The following C3orf22 variants were observed in gnomAD, a reference collection of about 807,000 sequenced individuals.
C3orf22 encodes uncharacterized protein C3orf22.
C3orf22 carries 7 observed loss-of-function variants against 10.8 expected under a neutral mutation model. The observed-to-expected ratio is 0.65, with a 90% CI of 0.37 to 1.22. The LOEUF is 1.22. C3orf22 is among the 50% of genes most tolerant of loss of function. The pLI, the probability that C3orf22 is intolerant of heterozygous loss-of-function variation, is 0.02. For synonymous variants in C3orf22, 79 were observed against 78.9 expected (o/e 1.00, Z 0.00); for missense variants, 173 against 177.0 (o/e 0.98, Z 0.13).
At chr3:126,556,877 C>G (rs1306530199) in intron 1 of C3orf22, among the ~76,000 whole-genome samples, 2 of 150,714 alleles carry the variant, frequency 1.3e-5, no homozygotes, top group East Asian at 3.9e-4. Context: ...TACACACACA[C>G]ACACAGACTC....
At chr3:126,541,481 G>C (rs1426407150) in intron 4 of C3orf22, among the ~76,000 whole-genome samples, 1 of 152,144 alleles carries the variant, frequency 6.6e-6, no homozygotes, top group Non-Finnish European at 1.5e-5. Context: ...AGTGCCCCAC[G>C]GCATACATAC....
At chr3:126,549,447 C>A, downstream of C3orf22, 1 of 437,634 alleles carries the variant, frequency 2.3e-6, no homozygotes, top group Admixed American at 2.6e-5. Context: ...TATAATTTAG[C>A]AGTTTCCTGT....
downstream of C3orf22, among the ~76,000 whole-genome samples, chr3:126,546,307 G>A (rs1363880374): frequency 6.6e-6 from 1 of 152,212 alleles, no homozygotes; most frequent in Non-Finnish European, 1.5e-5. Flanking sequence ...CTGCATGAAG[G>A]ACATTGAGAC....
At chr3:126,548,740 G>A (rs550999782), downstream of C3orf22, among the ~76,000 whole-genome samples, 162 of 152,298 alleles carry the variant, frequency 1.1e-3, no homozygotes, top group Middle Eastern at 0.041. Flanking sequence ...CACCACAGAT[G>A]TGACTCCAGG....
chr3:126,531,876 C>A (rs551012862), intron 4 of C3orf22, among the ~76,000 whole-genome samples: 24 of 152,254 alleles, frequency 1.6e-4, no homozygotes, highest in African/African-American at 5.5e-4. Flanking sequence ...TTTTAAGAAA[C>A]CACCAAACTG....
intron 4 of C3orf22, chr3:126,542,679 A>G (rs896037096): frequency 5.5e-5 from 75 of 1,360,620 alleles, no homozygotes; most frequent in Admixed American, 2.7e-4. Flanking sequence ...TTCAAGAGCC[A>G]CTGCGTGCAC....
intron 4 of C3orf22, chr3:126,536,362 A>G: frequency 6.2e-7 from 1 of 1,610,198 alleles, no homozygotes; most frequent in Non-Finnish European, 8.5e-7. Flanking sequence ...AGGTAGGTGG[A>G]CAGACCCTCG....
downstream of C3orf22, among the ~76,000 whole-genome samples, chr3:126,544,915 C>G (rs925027778): frequency 6.6e-6 from 1 of 152,234 alleles, no homozygotes; most frequent in East Asian, 1.9e-4. Flanking sequence ...AGGGCCACAG[C>G]CCAGGCCCTC....
intron 4 of C3orf22, among the ~76,000 whole-genome samples, chr3:126,535,084 C>T (rs535747604): frequency 1.4e-5 from 2 of 146,096 alleles, no homozygotes; most frequent in African/African-American, 5.1e-5. Context: ...TCCCTGTCCC[C>T]AGCCGGGAGA....
intron 4 of C3orf22, among the ~76,000 whole-genome samples, chr3:126,531,338 C>G (rs1576748447): frequency 6.6e-6 from 1 of 152,252 alleles, no homozygotes; most frequent in African/African-American, 2.4e-5. Flanking sequence ...TCAGATTTCC[C>G]AAGTTTACTG....
chr3:126,551,041 C>T (rs148614073), intron 3 of C3orf22, among the ~76,000 whole-genome samples: 7 of 152,374 alleles, frequency 4.6e-5, no homozygotes, highest in South Asian at 2.1e-4. Context: ...CTCCTGTAGC[C>T]GAACTACGGG....
intron 4 of C3orf22, among the ~76,000 whole-genome samples, chr3:126,538,004 G>A (rs1260108433): frequency 6.6e-6 from 1 of 152,196 alleles, no homozygotes; most frequent in Non-Finnish European, 1.5e-5. Flanking sequence ...GTGGACATAG[G>A]TCCAGCTTTA....
chr3:126,539,132 T>C (rs975489226), intron 4 of C3orf22, among the ~76,000 whole-genome samples: 4 of 152,080 alleles, frequency 2.6e-5, no homozygotes, highest in African/African-American at 9.7e-5. Flanking sequence ...TTCAAGCATA[T>C]GCAAGAAGAA....
intron 1 of C3orf22, among the ~76,000 whole-genome samples, chr3:126,555,746 C>T (rs1430986254): frequency 6.6e-6 from 1 of 152,176 alleles, no homozygotes; most frequent in African/African-American, 2.4e-5. Context: ...AGAGCCACCC[C>T]CTGGCCTCAA....
chr3:126,543,638 G>A (rs551801752), intron 4 of C3orf22, among the ~76,000 whole-genome samples: 37 of 152,146 alleles, frequency 2.4e-4, no homozygotes, highest in African/African-American at 8.9e-4. Flanking sequence ...TTGTGCGTGT[G>A]TGACTGTGAG....
intron 4 of C3orf22, among the ~76,000 whole-genome samples, chr3:126,539,292 G>GT (rs1264215314): frequency 1.3e-5 from 2 of 151,990 alleles, no homozygotes; most frequent in South Asian, 4.1e-4. Context: ...TTTGTGAAAC[G>GT]TTTTTTATTT....
intron 4 of C3orf22, among the ~76,000 whole-genome samples, chr3:126,539,792 CACAGACACCACACCACACACCACAA>C (rs1936898526): frequency 5.3e-5 from 2 of 37,930 alleles, no homozygotes; most frequent in African/African-American, 9.4e-5. Flanking sequence ...CACCACACAC[CACAGACACCACACCACACACCACAA>C]ACACACATAC....
At chr3:126,539,037 T>C (rs538660199) in intron 4 of C3orf22, among the ~76,000 whole-genome samples, 3 of 152,294 alleles carry the variant, frequency 2.0e-5, no homozygotes, top group African/African-American at 7.2e-5. Flanking sequence ...TGCTTTGCCG[T>C]GTGCTTACAG....
At chr3:126,542,358 C>G (rs1439510963) in intron 4 of C3orf22, 2 of 1,566,024 alleles carry the variant, frequency 1.3e-6, no homozygotes, top group Admixed American at 1.8e-5. Flanking sequence ...AAGTTCGAGA[C>G]GCTGGCGGAG....
Sources: allele counts gnomAD v4.1 joint callset (sites outside exome capture counted in the v4.1 genomes callset), GRCh38; gene constraint gnomAD v4.1.1; transcripts MANE v1.5; gene names NCBI Gene and HGNC (gene_info 2026-07-23, HGNC 2026-07-21).